MEIOSIN: variants seen among roughly 807,000 people sequenced by gnomAD.
The protein encoded by MEIOSIN is meiosis initiator protein.
In MEIOSIN, 18 loss-of-function variants were observed where a neutral mutation model predicts 23.4. The ratio of observed to expected loss-of-function variants is 0.77; its 90% CI spans 0.53 to 1.14. MEIOSIN has a LOEUF of 1.14. Ranked by LOEUF, MEIOSIN falls within the 50% of genes most tolerant of loss-of-function variation. The pLI is 0.00. For synonymous variants in MEIOSIN, 187 were observed against 100.6 expected (o/e 1.86, Z -5.14); for missense variants, 428 against 242.9 (o/e 1.76, Z -5.07).
chr19:45,745,652 T>C (rs892999114), intron 4 of MEIOSIN, among the ~76,000 whole-genome samples: 3 of 152,166 alleles, frequency 2.0e-5, no homozygotes, highest in African/African-American at 7.2e-5. Flanking sequence ...CTACCCAGAC[T>C]TTCTTTTTTT....
intron 2 of MEIOSIN, among the ~76,000 whole-genome samples, chr19:45,737,523 T>C (rs1968426929): frequency 6.6e-6 from 1 of 151,630 alleles, no homozygotes; most frequent in Admixed American, 6.6e-5. Context: ...TGGAGTGCAG[T>C]GACACGATCA....
intron 1 of MEIOSIN, among the ~76,000 whole-genome samples, chr19:45,734,979 C>T (rs1295788013): frequency 1.3e-5 from 2 of 151,852 alleles, no homozygotes; most frequent in Admixed American, 6.6e-5. Flanking sequence ...GTGCAACCTC[C>T]GCCTCCCAGG....
At position 45,745,253 on chromosome 19, in the gene MEIOSIN, A is replaced by G. The variant is rs1190710018; in HGVS notation, c.238A>G (p.Ser80Gly). 2 of 703,028 alleles carry G rather than the reference A, an allele frequency of 2.8e-6. No homozygotes were observed. Among genetic ancestry groups the G allele is most frequent in the Non-Finnish European group, 5.2e-6 (2 of 385,020 alleles). The allele number at this position is 703,028 out of a possible 1,614,324, so 43.5% of individuals were successfully genotyped here. Reference protein sequence around the residue: ...PNKKQRKNHTSKLQELALLLP... With the variant: ...PNKKQRKNHTGKLQELALLLP... ...CAAGAAGCAGAGGAAAAACCACACT[A>G]GCAAGCTGCAAGAGTTGGCACTGCT... is the stretch of plus-strand genomic sequence containing the variant. Residue 80 changes from serine to glycine, a missense_variant, in exon 4 of 15, where the codon AGC becomes GGC. Coordinates refer to ENST00000457052, the MANE Select transcript of MEIOSIN (RefSeq NM_001310124.2).
chr19:45,751,206 A>G (rs1968697645), intron 5 of MEIOSIN, among the ~76,000 whole-genome samples: 1 of 151,476 alleles, frequency 6.6e-6, no homozygotes, highest in African/African-American at 2.4e-5. Context: ...TGGGAGGCGG[A>G]GGTTGCTGTG....
At chr19:45,746,662 A>G (rs1968600868) in intron 4 of MEIOSIN, among the ~76,000 whole-genome samples, 1 of 152,040 alleles carries the variant, frequency 6.6e-6, no homozygotes, top group African/African-American at 2.4e-5. Context: ...TCTACTAAAA[A>G]TACAACCAAT....
chr19:45,760,438 C>T (rs1417210927), intron 11 of MEIOSIN, among the ~76,000 whole-genome samples: 1 of 150,034 alleles, frequency 6.7e-6, no homozygotes, highest in Non-Finnish European at 1.5e-5. Flanking sequence ...GAAATACTAT[C>T]TCTACTAAAA....
intron 4 of MEIOSIN, among the ~76,000 whole-genome samples, chr19:45,750,184 C>A (rs1465173102): frequency 1.3e-5 from 2 of 149,002 alleles, no homozygotes; most frequent in African/African-American, 4.9e-5. Context: ...GCTATCTAGC[C>A]CTCACTGCAG....
At chr19:45,736,664 A>C (rs1968412905) in intron 2 of MEIOSIN, among the ~76,000 whole-genome samples, 1 of 151,142 alleles carries the variant, frequency 6.6e-6, no homozygotes, top group African/African-American at 2.4e-5. Flanking sequence ...AACCTCCCGG[A>C]TTCACGCTAT....
chr19:45,737,701 G>A (rs1422828121), intron 2 of MEIOSIN, among the ~76,000 whole-genome samples: 8 of 151,916 alleles, frequency 5.3e-5, no homozygotes, highest in Non-Finnish European at 1.2e-4. Context: ...GGGAGGCCAA[G>A]GTGGGTTGAT....
chr19:45,750,360 C>CTT (rs11295860), intron 4 of MEIOSIN, among the ~76,000 whole-genome samples: 2 of 98,526 alleles, frequency 2.0e-5, no homozygotes, highest in Non-Finnish European at 4.1e-5. Context: ...TTTTCTTTTT[C>CTT]TTTTTTTTTT....
At chr19:45,743,218 A>G (rs969316986) in intron 3 of MEIOSIN, among the ~76,000 whole-genome samples, 1 of 152,166 alleles carries the variant, frequency 6.6e-6, no homozygotes, top group African/African-American at 2.4e-5. Context: ...AAAACCCAGA[A>G]TAAACACCCA....
At chr19:45,748,288 G>A (rs535371290) in intron 4 of MEIOSIN, among the ~76,000 whole-genome samples, 118 of 152,292 alleles carry the variant, frequency 7.7e-4, no homozygotes, top group African/African-American at 2.6e-3. Flanking sequence ...CACCGTGTTA[G>A]CCAGGATGAC....
At chr19:45,759,299 C>A in intron 10 of MEIOSIN, 115 bp from the exon 11 acceptor site, 1 of 661,110 alleles carries the variant, frequency 1.5e-6, no homozygotes, top group Non-Finnish European at 2.7e-6. Context: ...GGTGGGAGAT[C>A]CTGAAGGAGA....
intron 3 of MEIOSIN, among the ~76,000 whole-genome samples, chr19:45,740,984 A>T (rs1045238145): frequency 7.9e-5 from 12 of 152,090 alleles, no homozygotes; most frequent in African/African-American, 2.4e-4. Flanking sequence ...GACTTAAGGG[A>T]TATAACCAGC....
intron 3 of MEIOSIN, among the ~76,000 whole-genome samples, chr19:45,744,811 G>C (rs1413227248): frequency 1.3e-5 from 2 of 152,152 alleles, no homozygotes; most frequent in African/African-American, 4.8e-5. Context: ...ACAATGGGAT[G>C]TCATGGAGAG....
At chr19:45,736,191 C>T (rs748775871) in intron 2 of MEIOSIN, among the ~76,000 whole-genome samples, 29 of 152,026 alleles carry the variant, frequency 1.9e-4, no homozygotes, top group Admixed American at 1.1e-3. Context: ...AGATTACAGG[C>T]ACATGCCACC....
intron 13 of MEIOSIN, 124 bp downstream of exon 13, chr19:45,762,307 T>C: frequency 2.5e-6 from 1 of 398,476 alleles, no homozygotes; most frequent in Non-Finnish European, 4.4e-6. Flanking sequence ...CACAAACCCT[T>C]CGTGGACCAC....
intron 9 of MEIOSIN, among the ~76,000 whole-genome samples, chr19:45,757,768 G>A (rs958964541): frequency 1.6e-4 from 25 of 152,056 alleles, no homozygotes; most frequent in African/African-American, 4.6e-4. Context: ...TGATCTGCCC[G>A]CCTCAGCCTC....
At chr19:45,748,297 A>C (rs1968631474) in intron 4 of MEIOSIN, among the ~76,000 whole-genome samples, 1 of 151,988 alleles carries the variant, frequency 6.6e-6, no homozygotes. Context: ...AGCCAGGATG[A>C]CCTCGATCTC....
Sources: gnomAD v4.1 joint callset for allele counts (sites outside exome capture counted in the v4.1 genomes callset) on GRCh38, gnomAD v4.1.1 for gene constraint, MANE v1.5 for transcripts, NCBI Gene and HGNC (gene_info 2026-07-23, HGNC 2026-07-21) for gene names.